PKNOX2: variants seen among roughly 807,000 people sequenced by gnomAD.
PKNOX2 encodes PBX/knotted 1 homeobox 2.
Under a neutral mutation model 53.1 loss-of-function variants are expected in PKNOX2, and 14 were observed. The ratio of observed to expected loss-of-function variants is 0.26; its 90% CI spans 0.17 to 0.41. The LOEUF is 0.41. Among genes scored for constraint, PKNOX2 ranks in the 10% least tolerant of loss-of-function variants. The pLI is 1.00. For missense variants in PKNOX2, 496 were observed against 602.8 expected (o/e 0.82, Z 1.85); for synonymous variants, 257 against 242.8 (o/e 1.06, Z -0.54).
intron 2 of PKNOX2, among the ~76,000 whole-genome samples, chr11:125,279,297 T>G (rs1411530729): frequency 6.6e-6 from 1 of 152,194 alleles, no homozygotes; most frequent in Non-Finnish European, 1.5e-5. Context: ...TCTGACCGAA[T>G]GATTGAATCA....
chr11:125,338,565 T>C (rs1408932054), intron 3 of PKNOX2, among the ~76,000 whole-genome samples: 2 of 152,186 alleles, frequency 1.3e-5, no homozygotes, highest in Non-Finnish European at 1.5e-5. Context: ...GCACCCTGCC[T>C]GCTCCGATCA....
intron 1 of PKNOX2, among the ~76,000 whole-genome samples, chr11:125,186,568 A>T (rs996493464): frequency 1.3e-5 from 2 of 152,088 alleles, no homozygotes; most frequent in Non-Finnish European, 2.9e-5. Flanking sequence ...GGGAGGATAG[A>T]TTGAGCCCAG....
intron 2 of PKNOX2, among the ~76,000 whole-genome samples, chr11:125,304,597 A>G (rs898480143): frequency 6.6e-6 from 1 of 152,230 alleles, no homozygotes; most frequent in Non-Finnish European, 1.5e-5. Context: ...ATCTCAGGTC[A>G]CAGATGCATT....
chr11:125,387,569 A>G (rs936105527), intron 6 of PKNOX2, among the ~76,000 whole-genome samples: 3 of 152,136 alleles, frequency 2.0e-5, no homozygotes, highest in African/African-American at 7.2e-5. Context: ...TGTTCACTCA[A>G]AGAATCATAT....
At chr11:125,284,405 A>G (rs914289227) in intron 2 of PKNOX2, among the ~76,000 whole-genome samples, 3 of 152,166 alleles carry the variant, frequency 2.0e-5, no homozygotes, top group African/African-American at 7.2e-5. Context: ...TTACTCCACA[A>G]CAACAACCAG....
At chr11:125,344,630 G>T (rs1434783315) in intron 3 of PKNOX2, among the ~76,000 whole-genome samples, 1 of 152,190 alleles carries the variant, frequency 6.6e-6, no homozygotes, top group Non-Finnish European at 1.5e-5. Flanking sequence ...TCCCAAGTTG[G>T]CTTCCCAGAA....
intron 2 of PKNOX2, among the ~76,000 whole-genome samples, chr11:125,322,583 G>T (rs1332093923): frequency 2.6e-5 from 4 of 152,166 alleles, no homozygotes; most frequent in African/African-American, 9.7e-5. Context: ...TGAGCCCAGT[G>T]GCTCCTGGGC....
intron 7 of PKNOX2, among the ~76,000 whole-genome samples, chr11:125,406,385 G>A (rs1306821546): frequency 6.6e-6 from 1 of 152,216 alleles, no homozygotes; most frequent in Non-Finnish European, 1.5e-5. Context: ...AGGGAGACAT[G>A]TAGCCAGGTT....
At chr11:125,255,091 A>G (rs139677637) in intron 2 of PKNOX2, among the ~76,000 whole-genome samples, 1 of 152,288 alleles carries the variant, frequency 6.6e-6, no homozygotes, top group African/African-American at 2.4e-5. Context: ...CCCATTTACC[A>G]CCATTTTATA....
At chr11:125,298,898 C>G (rs753655498) in intron 2 of PKNOX2, among the ~76,000 whole-genome samples, 9 of 152,198 alleles carry the variant, frequency 5.9e-5, no homozygotes, top group Non-Finnish European at 8.8e-5. Context: ...CAAGAGACAC[C>G]TGTCACCTTT....
At chr11:125,258,853 G>T in intron 2 of PKNOX2, 1 of 371,700 alleles carries the variant, frequency 2.7e-6, no homozygotes, top group South Asian at 1.9e-5. Flanking sequence ...CCCTGGGGAT[G>T]CAGAGAACAT....
intron 2 of PKNOX2, among the ~76,000 whole-genome samples, chr11:125,320,395 T>A (rs1949454044): frequency 6.6e-6 from 1 of 151,990 alleles, no homozygotes; most frequent in Non-Finnish European, 1.5e-5. Context: ...TGAGACCAGA[T>A]GTCAGGAGGG....
chr11:125,290,209 C>G (rs1189386289), intron 2 of PKNOX2, among the ~76,000 whole-genome samples: 2 of 152,198 alleles, frequency 1.3e-5, no homozygotes, highest in Non-Finnish European at 2.9e-5. Flanking sequence ...ATCCTTGGAG[C>G]AGCCGCAGAC....
At chr11:125,177,164 A>G (rs1289235005) in intron 1 of PKNOX2, among the ~76,000 whole-genome samples, 1 of 152,120 alleles carries the variant, frequency 6.6e-6, no homozygotes, top group Non-Finnish European at 1.5e-5. Flanking sequence ...CTTCCCCTAC[A>G]TGGGAGGGAG....
At chr11:125,430,497 C>T (rs1012070019) in intron 12 of PKNOX2, among the ~76,000 whole-genome samples, 4 of 152,174 alleles carry the variant, frequency 2.6e-5, no homozygotes, top group Non-Finnish European at 2.9e-5. Flanking sequence ...GCAGCTGGCT[C>T]GTGAACAGGG....
At chr11:125,389,806 A>T (rs1186730917) in intron 6 of PKNOX2, among the ~76,000 whole-genome samples, 1 of 152,178 alleles carries the variant, frequency 6.6e-6, no homozygotes, top group Non-Finnish European at 1.5e-5. Flanking sequence ...TTTTATGTGT[A>T]AATTTTTTAA....
intron 6 of PKNOX2, among the ~76,000 whole-genome samples, chr11:125,397,527 C>T (rs1332504756): frequency 6.6e-6 from 1 of 152,202 alleles, no homozygotes; most frequent in African/African-American, 2.4e-5. Flanking sequence ...GCAACTTGCC[C>T]AAGCTCACAC....
chr11:125,372,799 G>A (rs1317770092), intron 5 of PKNOX2, among the ~76,000 whole-genome samples: 1 of 152,212 alleles, frequency 6.6e-6, no homozygotes, highest in Non-Finnish European at 1.5e-5. Context: ...TCCACACCAT[G>A]TGTCTAGTTC....
intron 2 of PKNOX2, among the ~76,000 whole-genome samples, chr11:125,314,214 C>T (rs73023982): frequency 0.043 from 6,500 of 152,174 alleles, 139 homozygotes; most frequent in Non-Finnish European, 0.045. Flanking sequence ...ATGGTCAGCT[C>T]GTCGTGAATC....
Sources: allele counts gnomAD v4.1 joint callset (sites outside exome capture counted in the v4.1 genomes callset), GRCh38; gene constraint gnomAD v4.1.1; transcripts MANE v1.5; gene names NCBI Gene and HGNC (gene_info 2026-07-23, HGNC 2026-07-21).